The following KIAA0825 variants were observed in gnomAD, a reference collection of about 807,000 sequenced individuals.
KIAA0825 encodes the protein KIAA0825.
Under a neutral mutation model 147.6 loss-of-function variants are expected in KIAA0825, and 119 were observed. That is an observed-to-expected ratio of 0.81 (90% CI 0.69 to 0.94). KIAA0825 has a LOEUF of 0.94. Among genes scored for constraint, KIAA0825 ranks in the 40% least tolerant of loss-of-function variants. KIAA0825 has a pLI of 0.00. For synonymous variants in KIAA0825, 470 were observed against 518.1 expected (o/e 0.91, Z 1.26); for missense variants, 1,381 against 1,472.7 (o/e 0.94, Z 1.02).
At position 94,309,690 on chromosome 5, in the gene KIAA0825, G is replaced by C. The variant is rs182387686; in HGVS notation, c.3710+74678C>G. The stretch of plus-strand genomic sequence containing the variant: ...GGCAACATCTCAGAAAGGAAAGTGA[G>C]AAAAGAAGATGCTATGCAGTTGCCC... On this transcript the variant is annotated intron_variant, in intron 20 of 20. Coordinates refer to ENST00000682413, the MANE Select transcript of KIAA0825 (RefSeq NM_001145678.3). Among the ~76,000 whole-genome samples, 369 of 151,792 alleles carry C rather than the reference G, an allele frequency of 2.4e-3. 2 individuals carry two copies. The highest frequency in any genetic ancestry group is 8.8e-3 in the African/African-American group (365 of 41,490).
chr5:94,182,932 G>T (rs540336838), intron 20 of KIAA0825, among the ~76,000 whole-genome samples: 8 of 152,182 alleles, frequency 5.3e-5, no homozygotes, highest in Non-Finnish European at 1.0e-4. Context: ...GTAGGGAACA[G>T]GTTCTTAGTA....
At chr5:94,312,727 TTCATTC>T (rs765008754) in intron 20 of KIAA0825, among the ~76,000 whole-genome samples, 168 of 151,836 alleles carry the variant, frequency 1.1e-3, no homozygotes, top group Non-Finnish European at 1.7e-3. Context: ...ACTATATCTT[TTCATTC>T]TAAAAATTTG....
rs562948157 is a variant in KIAA0825 at position 94,279,485 on chromosome 5, A to G, written c.3710+104883T>C. Among the ~76,000 whole-genome samples the G allele has an allele frequency of 2.6e-5, 4 of 152,222 alleles. No homozygotes were observed. In the East Asian group the frequency reaches 7.7e-4, roughly 29 times the overall value. ...ATTATAATGGTACAGAATTGCAAAT[A>G]TTTAAGTCGGTTAGATCTTAAAAAT... On this transcript the variant is annotated intron_variant, in intron 20 of 20. Coordinates refer to ENST00000682413, the MANE Select transcript of KIAA0825 (RefSeq NM_001145678.3).
chr5:94,319,842 C>A (rs1405279628), intron 20 of KIAA0825, among the ~76,000 whole-genome samples: 1 of 151,882 alleles, frequency 6.6e-6, no homozygotes, highest in Non-Finnish European at 1.5e-5. Flanking sequence ...ACTCCAACAC[C>A]TTCCAAAGAC....
intron 20 of KIAA0825, among the ~76,000 whole-genome samples, chr5:94,177,103 T>G (rs1769176662): frequency 6.6e-6 from 1 of 152,072 alleles, no homozygotes. Context: ...ATGTGGAAAA[T>G]TCAGCTGTGG....
At chr5:94,504,486 C>A (rs887074793) in intron 5 of KIAA0825, among the ~76,000 whole-genome samples, 1 of 152,090 alleles carries the variant, frequency 6.6e-6, no homozygotes, top group Non-Finnish European at 1.5e-5. Context: ...AAATAGTCTG[C>A]GCTCCTTTAT....
intron 5 of KIAA0825, among the ~76,000 whole-genome samples, chr5:94,514,665 A>G (rs1766956559): frequency 6.6e-6 from 1 of 152,290 alleles, no homozygotes; most frequent in East Asian, 1.9e-4. Context: ...GCTTCAGTAT[A>G]CTTTTTCTTC....
At chr5:94,380,039 A>G (rs1219563464) in intron 20 of KIAA0825, among the ~76,000 whole-genome samples, 4 of 151,048 alleles carry the variant, frequency 2.6e-5, no homozygotes, top group Admixed American at 2.6e-4. Flanking sequence ...ATTTTTAGTA[A>G]AGACGGGATT....
In KIAA0825 at chr5:94,520,970, T is replaced by G. The variant is rs1768073153; in HGVS notation, c.301-53A>C. The G allele has an allele frequency of 2.2e-6, 3 of 1,342,186 alleles. No individual in the cohort carries two copies. The African/African-American group carries it at 4.4e-5, about 20-fold the overall frequency. 83.1% of individuals were successfully genotyped at this position (1,342,186 alleles called of 1,614,324 possible). On this transcript the variant is annotated intron_variant, in intron 4 of 20. Coordinates refer to ENST00000682413, the MANE Select transcript of KIAA0825 (RefSeq NM_001145678.3). ...GATTAAGTGCAATAGAAAAAATGATTTCTATAGTCATATACAATTTCATAA... is the reference window on the plus strand; with the variant it reads ...GATTAAGTGCAATAGAAAAAATGATGTCTATAGTCATATACAATTTCATAA...
intron 1 of KIAA0825, among the ~76,000 whole-genome samples, chr5:94,617,590 A>G (rs1335633064): frequency 6.6e-6 from 1 of 152,218 alleles, no homozygotes; most frequent in African/African-American, 2.4e-5. Flanking sequence ...TGAAAAAATA[A>G]CAGTCAGCTG....
chr5:94,529,332 T>TATATATGTATATATC (rs1236319843), intron 3 of KIAA0825, among the ~76,000 whole-genome samples: 16 of 136,636 alleles, frequency 1.2e-4, no homozygotes, highest in East Asian at 4.0e-4. Context: ...GTATATATCA[T>TATATATGTATATATC]ATATATGTAT....
At chr5:94,583,896 T>C (rs1782732800) in intron 1 of KIAA0825, among the ~76,000 whole-genome samples, 1 of 152,170 alleles carries the variant, frequency 6.6e-6, no homozygotes, top group African/African-American at 2.4e-5. Context: ...GAACAGGATC[T>C]GGAGTGGACC....
At chr5:94,594,157 T>G in intron 1 of KIAA0825, 1 of 559,580 alleles carries the variant, frequency 1.8e-6, no homozygotes, top group South Asian at 1.4e-5. Flanking sequence ...AAAGGTAATT[T>G]TAATATCAAA....
At chr5:94,300,688 A>G (rs745519514) in intron 20 of KIAA0825, among the ~76,000 whole-genome samples, 10 of 152,188 alleles carry the variant, frequency 6.6e-5, no homozygotes, top group Non-Finnish European at 1.3e-4. Context: ...CTCAAAGGCT[A>G]TGGCTAAACA....
chr5:94,362,487 C>G (rs1412876070), intron 20 of KIAA0825, among the ~76,000 whole-genome samples: 1 of 152,022 alleles, frequency 6.6e-6, no homozygotes, highest in East Asian at 1.9e-4. Context: ...TTAGTTGAAC[C>G]CTTTGTCTAG....
At position 94,206,653 on chromosome 5, in the gene KIAA0825, G is replaced by A. The variant is rs571549298; in HGVS notation, c.3711-52529C>T. On this transcript the variant is annotated intron_variant, in intron 20 of 20. Coordinates refer to ENST00000682413, the MANE Select transcript of KIAA0825 (RefSeq NM_001145678.3). ...TCATGAATATTATGAGGTCAATGTTGAGAACCTTTAATCTAATGCCCACAT... is the reference window on the plus strand; with the variant it reads ...TCATGAATATTATGAGGTCAATGTTAAGAACCTTTAATCTAATGCCCACAT... 6.3e-4 allele frequency among the ~76,000 whole-genome samples: 96 copies of A among 152,100 alleles called. 1 individual carries two copies. Among genetic ancestry groups the A allele is most frequent in the Non-Finnish European group, 1.1e-3 (78 of 68,014 alleles).
At chr5:94,584,938 C>T (rs563467838) in intron 1 of KIAA0825, among the ~76,000 whole-genome samples, 2 of 152,262 alleles carry the variant, frequency 1.3e-5, no homozygotes, top group African/African-American at 4.8e-5. Flanking sequence ...TTGAGCCAAA[C>T]TAAGCTTCAT....
At chr5:94,282,049 C>T (rs1252294753) in intron 20 of KIAA0825, among the ~76,000 whole-genome samples, 2 of 152,082 alleles carry the variant, frequency 1.3e-5, no homozygotes, top group African/African-American at 4.8e-5. Context: ...TAGCAAGTTG[C>T]TTCGTAAATA....
At chr5:94,298,196 C>T (rs1201351747) in intron 20 of KIAA0825, among the ~76,000 whole-genome samples, 2 of 151,556 alleles carry the variant, frequency 1.3e-5, no homozygotes, top group Admixed American at 6.6e-5. Flanking sequence ...TGCAGTGAGC[C>T]GAGATTGCGC....
Sources: allele counts gnomAD v4.1 joint callset (sites outside exome capture counted in the v4.1 genomes callset), GRCh38; gene constraint gnomAD v4.1.1; transcripts MANE v1.5; gene names NCBI Gene and HGNC (gene_info 2026-07-23, HGNC 2026-07-21).